The following ORC2 variants were observed in gnomAD, a reference collection of about 807,000 sequenced individuals.
ORC2 encodes origin recognition complex subunit 2, also known as origin recognition complex protein 2 homolog.
ORC2 carries 37 observed loss-of-function variants against 77.7 expected under a neutral mutation model. That is an observed-to-expected ratio of 0.48 (90% CI 0.37 to 0.63). ORC2 has a LOEUF of 0.63. ORC2 is among the 20% of genes least tolerant of loss of function. The probability of loss-of-function intolerance (pLI) is 0.00; values close to 1 mark genes in which losing one functional copy is unlikely to be tolerated. For synonymous variants in ORC2, 201 were observed against 229.5 expected, an observed-to-expected ratio of 0.88 and a Z score of 1.12; for missense variants, 557 against 661.9, an observed-to-expected ratio of 0.84 and a Z score of 1.74.
At chr2:200,960,725 T>C (rs1184826127) in intron 1 of ORC2, among the ~76,000 whole-genome samples, 1 of 152,176 alleles carries the variant, frequency 6.6e-6, no homozygotes, top group East Asian at 1.9e-4. Flanking sequence ...TTAATGCAAA[T>C]ACACACAATT....
Position 200,955,198 on chromosome 2 carries a change from G to A in ORC2, c.238+2203C>T, listed in dbSNP as rs116958772. ...TTTTTATGATAAAAGTTTCCTTTGT[G>A]GAATACTGTTATCAATCTCTTCTTA... On this transcript the variant is annotated intron_variant, in intron 4 of 17. Transcript: ENST00000234296. Among the ~76,000 whole-genome samples, 428 of 152,224 alleles carry A rather than the reference G, an allele frequency of 2.8e-3. 7 individuals are homozygous for A. Among genetic ancestry groups the A allele is most frequent in the East Asian group, 0.016 (82 of 5,186 alleles).
In ORC2 at chr2:200,909,488, G is replaced by A. The variant is rs1210782862; in HGVS notation, c.*1813C>T. The A allele has an allele frequency of 6.6e-6, 1 of 152,084 alleles. No individual in the cohort carries two copies. The highest frequency in any genetic ancestry group is 2.4e-5 in the African/African-American group (1 of 41,376). 9.4% of individuals were successfully genotyped at this position (152,084 alleles called of 1,614,324 possible). ...TTGGGAGGCCGAGGCAGGATCACTT[G>A]AGGTCAGGAATTCGAGACCAGCCTG... On this transcript the variant is annotated 3_prime_UTR_variant, in exon 18 of 18. Transcript: ENST00000234296.
chr2:200,957,566 T>A (rs201130361), intron 3 of ORC2, 22 bp from the exon 4 acceptor site: 3 of 1,564,132 alleles, frequency 1.9e-6, no homozygotes, highest in Non-Finnish European at 2.6e-6. Flanking sequence ...TCCAAAGAAA[T>A]AGAGCATGAC....
intron 8 of ORC2, 103 bp from the exon 9 acceptor site, chr2:200,935,995 C>T: frequency 1.1e-6 from 1 of 879,900 alleles, no homozygotes; most frequent in South Asian, 1.9e-5. Context: ...AGTCTGAATT[C>T]TGGTTTTGTC....
At chr2:200,961,112 C>CCT (rs1204319312) in intron 1 of ORC2, among the ~76,000 whole-genome samples, 2 of 151,952 alleles carry the variant, frequency 1.3e-5, no homozygotes, top group African/African-American at 4.8e-5. Flanking sequence ...ACACCACATA[C>CCT]CTCTCCTGCC....
intron 7 of ORC2, among the ~76,000 whole-genome samples, chr2:200,939,804 A>G (rs749203937): frequency 1.1e-4 from 17 of 152,214 alleles, no homozygotes; most frequent in Non-Finnish European, 2.2e-4. Context: ...AGAGTTGACA[A>G]TATCTTCTAA....
Position 200,933,856 on chromosome 2 carries a change from T to C in ORC2, c.807+20A>G. On this transcript the variant is annotated intron_variant, in intron 10 of 17. Transcript: ENST00000234296. ...GGACAGAGTAAAAAAAATTTAGAAG[T>C]AACATTCCTTGTAACATACCTGATC... 1 of 1,454,298 alleles carries C rather than the reference T, an allele frequency of 6.9e-7. No individual in the cohort carries two copies. The highest frequency in any genetic ancestry group is 9.5e-7 in the Non-Finnish European group (1 of 1,051,356). 90.1% of individuals were successfully genotyped at this position (1,454,298 alleles called of 1,614,324 possible).
chr2:200,961,816 A>G (rs1263032449), intron 1 of ORC2, among the ~76,000 whole-genome samples: 2 of 152,316 alleles, frequency 1.3e-5, no homozygotes, highest in South Asian at 4.1e-4. Context: ...CACACAATGA[A>G]TTTTTGGCTC....
At chr2:200,938,487 C>G (rs1358313629) in intron 7 of ORC2, among the ~76,000 whole-genome samples, 1 of 152,170 alleles carries the variant, frequency 6.6e-6, no homozygotes, top group Non-Finnish European at 1.5e-5. Flanking sequence ...GAGATTTACA[C>G]TTTCTTACTT....
At chr2:200,950,006 T>C (rs2041321619) in intron 4 of ORC2, among the ~76,000 whole-genome samples, 1 of 152,116 alleles carries the variant, frequency 6.6e-6, no homozygotes, top group African/African-American at 2.4e-5. Flanking sequence ...AGTACAATTG[T>C]TGAGGTTGAG....
intron 13 of ORC2, among the ~76,000 whole-genome samples, chr2:200,923,227 G>A (rs1559007780): frequency 6.6e-6 from 1 of 152,152 alleles, no homozygotes; most frequent in Non-Finnish European, 1.5e-5. Flanking sequence ...GTGTGTTTCT[G>A]TTTAAAGGCA....
intron 4 of ORC2, among the ~76,000 whole-genome samples, chr2:200,951,626 T>G (rs1003633182): frequency 1.3e-5 from 2 of 152,232 alleles, no homozygotes; most frequent in African/African-American, 4.8e-5. Flanking sequence ...ATTGAGCATA[T>G]TTTCATATGC....
chr2:200,935,146 C>T (rs576376526), intron 9 of ORC2, among the ~76,000 whole-genome samples: 3 of 152,010 alleles, frequency 2.0e-5, no homozygotes, highest in Non-Finnish European at 2.9e-5. Context: ...ATTTTTGAGA[C>T]GGAGTTTCGT....
chr2:200,912,381 T>C (rs2040565761), intron 17 of ORC2, among the ~76,000 whole-genome samples: 1 of 152,164 alleles, frequency 6.6e-6, no homozygotes, highest in African/African-American at 2.4e-5. Context: ...CATGAACTCA[T>C]CATCTGTCTC....
At chr2:200,919,871 T>C (rs2040726223) in intron 15 of ORC2, among the ~76,000 whole-genome samples, 1 of 152,170 alleles carries the variant, frequency 6.6e-6, no homozygotes, top group Non-Finnish European at 1.5e-5. Flanking sequence ...GTAATGCATA[T>C]AAAGTACTCA....
At chr2:200,940,891 G>A (rs1183280494) in intron 7 of ORC2, among the ~76,000 whole-genome samples, 1 of 152,126 alleles carries the variant, frequency 6.6e-6, no homozygotes, top group African/African-American at 2.4e-5. Flanking sequence ...GGATCAAACT[G>A]CACAACACTG....
Position 200,913,994 on chromosome 2 carries a change from TAAA to T in ORC2, c.1467-5_1467-3del, listed in dbSNP as rs200066674. The stretch of plus-strand genomic sequence containing the variant: ...TTTATTAGTAGCCTGAAAATTCCCC[TAAA>T]AAAAAAAAAAAACAGGAATTTAAAT... On this transcript the variant is annotated splice_polypyrimidine_tract_variant and splice_region_variant and intron_variant, in intron 15 of 17. Transcript: ENST00000234296. The T allele has an allele frequency of 9.9e-5, 128 of 1,289,734 alleles. No individual in the cohort carries two copies. Among genetic ancestry groups the T allele is most frequent in the Admixed American group, 3.3e-4 (14 of 41,864 alleles). The allele number at this position is 1,289,734 out of a possible 1,614,324, so 79.9% of individuals were successfully genotyped here. A position where few individuals can be genotyped will look rare whatever the true frequency, so the allele number is the denominator to read the frequency against.
At chr2:200,944,361 G>C (rs1233859323) in intron 5 of ORC2, among the ~76,000 whole-genome samples, 1 of 152,062 alleles carries the variant, frequency 6.6e-6, no homozygotes, top group African/African-American at 2.4e-5. Flanking sequence ...TTTTAGTAGA[G>C]CGGGGGTTTC....
At chr2:200,950,347 C>T (rs2041329838) in intron 4 of ORC2, among the ~76,000 whole-genome samples, 1 of 151,950 alleles carries the variant, frequency 6.6e-6, no homozygotes, top group Admixed American at 6.6e-5. Flanking sequence ...AAGCTTTCTT[C>T]ACAGATCCTG....
Sources: allele counts gnomAD v4.1 joint callset (sites outside exome capture counted in the v4.1 genomes callset), GRCh38; gene constraint gnomAD v4.1.1; transcripts MANE v1.5; gene names NCBI Gene and HGNC (gene_info 2026-07-23, HGNC 2026-07-21).